ANXA8: variants seen among roughly 807,000 people sequenced by gnomAD.
The protein encoded by ANXA8 is annexin A8.
In ANXA8, 9 loss-of-function variants were observed where a neutral mutation model predicts 26.8. The ratio of observed to expected loss-of-function variants is 0.34; its 90% CI spans 0.20 to 0.59. The LOEUF is 0.59. Ranked by LOEUF, ANXA8 falls within the 20% of genes least tolerant of loss-of-function variation. ANXA8 has a pLI of 0.84. For missense variants in ANXA8, 83 were observed against 238.5 expected (o/e 0.35, Z 4.29); for synonymous variants, 39 against 94.8 (o/e 0.41, Z 3.42).
At chr10:47,658,399 AT>A in the ANXA8 span, among the ~76,000 whole-genome samples, 1 of 150,322 alleles carries the variant, frequency 6.7e-6, no homozygotes, top group Non-Finnish European at 1.5e-5. Context: ...AAAAAAAAAA[AT>A]CATGTATATA....
chr10:47,547,830 GATC>G, the ANXA8 span, among the ~76,000 whole-genome samples: 6 of 137,742 alleles, frequency 4.4e-5, no homozygotes, highest in Admixed American at 1.5e-4. Context: ...ACCCTGATTT[GATC>G]ATCACACATT....
chr10:47,733,181 CT>C, the ANXA8 span, among the ~76,000 whole-genome samples: 1 of 112,508 alleles, frequency 8.9e-6, no homozygotes, highest in African/African-American at 2.9e-5. Context: ...TTCTTTCTTT[CT>C]TTCTTTCTTT....
the ANXA8 span, among the ~76,000 whole-genome samples, chr10:47,664,497 G>C: frequency 1.3e-5 from 2 of 151,648 alleles, no homozygotes; most frequent in African/African-American, 4.9e-5. Context: ...GAACTCGGGA[G>C]GCGGAGGTTG....
At chr10:47,503,937 CAAAAAAA>C in the ANXA8 span, among the ~76,000 whole-genome samples, 8,801 of 22,012 alleles carry the variant, frequency 0.4, 458 homozygotes, top group South Asian at 0.53. Flanking sequence ...GAGAGTCCAT[CAAAAAAA>C]AAAAAAAAAA....
the ANXA8 span, among the ~76,000 whole-genome samples, chr10:47,948,578 A>G: frequency 4.8e-4 from 71 of 148,000 alleles, no homozygotes; most frequent in South Asian, 9.6e-3. Context: ...AAGAGACTAA[A>G]AAGAAAATTT....
At chr10:47,944,770 G>T in the ANXA8 span, among the ~76,000 whole-genome samples, 6 of 150,180 alleles carry the variant, frequency 4.0e-5, no homozygotes, top group Non-Finnish European at 7.4e-5. Flanking sequence ...ACTGTGAGTC[G>T]ATTAAACCTT....
At chr10:47,672,270 G>C in the ANXA8 span, among the ~76,000 whole-genome samples, 1 of 150,544 alleles carries the variant, frequency 6.6e-6, no homozygotes, top group South Asian at 2.1e-4. Context: ...TGTAATTCCT[G>C]CTTAGAACCT....
the ANXA8 span, among the ~76,000 whole-genome samples, chr10:47,519,195 C>T: frequency 3.0e-5 from 4 of 134,670 alleles, no homozygotes; most frequent in African/African-American, 5.9e-5. Context: ...TGGCCAGGTG[C>T]GGTGGCTGAA....
the ANXA8 span, among the ~76,000 whole-genome samples, chr10:47,513,276 G>A: frequency 2.3e-4 from 33 of 143,544 alleles, no homozygotes; most frequent in South Asian, 6.7e-4. Flanking sequence ...CTCATGATCC[G>A]TCCGCCTCAG....
At chr10:47,582,114 G>C in the ANXA8 span, 1 of 150,892 alleles carries the variant, frequency 6.6e-6, no homozygotes, top group African/African-American at 2.5e-5. Flanking sequence ...CCAGCCTCTA[G>C]AAGCCACTCT....
chr10:47,772,099 C>T, the ANXA8 span, among the ~76,000 whole-genome samples: 5 of 151,556 alleles, frequency 3.3e-5, no homozygotes, highest in South Asian at 2.1e-4. Flanking sequence ...CCATTCTTTA[C>T]TATCAAATCA....
chr10:47,750,916 ACAGT>A, the ANXA8 span: 2 of 151,280 alleles, frequency 1.3e-5, no homozygotes, highest in Non-Finnish European at 2.9e-5. Context: ...TTGACATTCA[ACAGT>A]CAATTAGTAT....
the ANXA8 span, among the ~76,000 whole-genome samples, chr10:47,973,768 C>T: frequency 6.6e-6 from 1 of 151,078 alleles, no homozygotes; most frequent in Admixed American, 6.6e-5. Context: ...GAATCAGAGA[C>T]CGTTAGAAAA....
chr10:47,493,565 C>A, the ANXA8 span, among the ~76,000 whole-genome samples: 4 of 150,096 alleles, frequency 2.7e-5, no homozygotes, highest in Middle Eastern at 3.2e-3. Flanking sequence ...ACCCCACAGA[C>A]CCCCTCCTCA....
the ANXA8 span, among the ~76,000 whole-genome samples, chr10:47,567,126 C>A: frequency 2.6e-5 from 3 of 113,806 alleles, no homozygotes; most frequent in East Asian, 2.2e-4. Flanking sequence ...GGAGTTCAGG[C>A]GCCAGCCAAG....
chr10:47,944,689 A>T, the ANXA8 span, among the ~76,000 whole-genome samples: 171 of 150,652 alleles, frequency 1.1e-3, 3 homozygotes, highest in African/African-American at 4.1e-3. Flanking sequence ...TTTGCCTGCC[A>T]CCATGTAGGA....
chr10:47,561,333 C>G, the ANXA8 span, among the ~76,000 whole-genome samples: 1 of 151,462 alleles, frequency 6.6e-6, no homozygotes, highest in Non-Finnish European at 1.5e-5. Flanking sequence ...GTTTCAAACT[C>G]CTGAGCTCAA....
chr10:47,976,374 T>A, the ANXA8 span, among the ~76,000 whole-genome samples: 1 of 151,444 alleles, frequency 6.6e-6, no homozygotes, highest in Non-Finnish European at 1.5e-5. Context: ...ATTTGCCTTA[T>A]TCGTAGTCTT....
chr10:47,767,414 G>T, the ANXA8 span, among the ~76,000 whole-genome samples: 1 of 152,264 alleles, frequency 6.6e-6, no homozygotes. Flanking sequence ...CACTCCGACT[G>T]GCAGGGTGGG....
Sources: allele counts gnomAD v4.1 joint callset (sites outside exome capture counted in the v4.1 genomes callset), GRCh38; gene constraint gnomAD v4.1.1; transcripts MANE v1.5; gene names NCBI Gene and HGNC (gene_info 2026-07-23, HGNC 2026-07-21).